Variants in AGPS observed in about 807,000 individuals in gnomAD.
AGPS encodes alkylglycerone phosphate synthase.
Under a neutral mutation model 90.7 loss-of-function variants are expected in AGPS, and 26 were observed. The observed-to-expected ratio is 0.29, with a 90% CI of 0.21 to 0.40. AGPS has a LOEUF of 0.40. Among genes scored for constraint, AGPS ranks in the 10% least tolerant of loss-of-function variants. The pLI is 1.00. For missense variants in AGPS, 540 were observed against 816.1 expected, an observed-to-expected ratio of 0.66 and a Z score of 4.12; for synonymous variants, 294 against 285.3, an observed-to-expected ratio of 1.03 and a Z score of -0.31.
rs1688375516 is a variant in AGPS, at chr2:177,495,103, G to T, written c.1285+1904G>T. On this transcript the variant is annotated intron_variant, in intron 12 of 19. Coordinates refer to ENST00000264167, the MANE Select transcript of AGPS (RefSeq NM_003659.4). ...TGACATTATCTAATTTTAGTATATTGAAATGATATATATCATTGTGTATAT... is the reference window on the plus strand; with the variant it reads ...TGACATTATCTAATTTTAGTATATTTAAATGATATATATCATTGTGTATAT... Among the ~76,000 whole-genome samples the T allele has an allele frequency of 2.6e-5, 4 of 151,976 alleles. No individual in the cohort carries two copies. The South Asian group carries it at 6.2e-4, about 24-fold the overall frequency.
At chr2:177,406,287 G>A (rs2105592248) in intron 1 of AGPS, among the ~76,000 whole-genome samples, 1 of 152,304 alleles carries the variant, frequency 6.6e-6, no homozygotes, top group South Asian at 2.1e-4. Context: ...GAAAGTGTCA[G>A]TACTTGCTGC....
chr2:177,502,697 C>T (rs896153339), intron 14 of AGPS, among the ~76,000 whole-genome samples: 2 of 152,082 alleles, frequency 1.3e-5, no homozygotes, highest in African/African-American at 4.8e-5. Flanking sequence ...TCCCAAAGTG[C>T]TGGGGTTACA....
chr2:177,436,482 G>T (rs1394425877), intron 3 of AGPS, among the ~76,000 whole-genome samples: 1 of 152,082 alleles, frequency 6.6e-6, no homozygotes, highest in Non-Finnish European at 1.5e-5. Context: ...AGGTATAAGT[G>T]TAGATAGTGC....
At chr2:177,456,312 T>A (rs1402203308) in intron 8 of AGPS, among the ~76,000 whole-genome samples, 2 of 152,226 alleles carry the variant, frequency 1.3e-5, no homozygotes, top group South Asian at 4.1e-4. Flanking sequence ...AGCGGCTAAA[T>A]GTATATGATC....
intron 1 of AGPS, among the ~76,000 whole-genome samples, chr2:177,394,424 T>C (rs754274742): frequency 6.6e-6 from 1 of 152,192 alleles, no homozygotes; most frequent in Non-Finnish European, 1.5e-5. Flanking sequence ...ACAAACAGTA[T>C]GTTCACAGGT....
At chr2:177,492,935 A>G (rs927148623) in intron 11 of AGPS, among the ~76,000 whole-genome samples, 1 of 152,056 alleles carries the variant, frequency 6.6e-6, no homozygotes, top group Non-Finnish European at 1.5e-5. Context: ...TTATTTATCT[A>G]TATCTGTAGA....
At chr2:177,439,247 A>G (rs112731638) in intron 5 of AGPS, among the ~76,000 whole-genome samples, 3,357 of 152,330 alleles carry the variant, frequency 0.022, 68 homozygotes, top group African/African-American at 0.044. Context: ...GTGCCATACA[A>G]TTTACCGAGG....
intron 17 of AGPS, among the ~76,000 whole-genome samples, chr2:177,518,136 T>TA (rs1689073961): frequency 6.6e-6 from 1 of 152,082 alleles, no homozygotes; most frequent in South Asian, 2.1e-4. Context: ...CCATTGTATT[T>TA]AAAAAAATAT....
intron 16 of AGPS, among the ~76,000 whole-genome samples, chr2:177,510,204 TAAC>T (rs775214631): frequency 6.6e-6 from 1 of 152,178 alleles, no homozygotes; most frequent in Non-Finnish European, 1.5e-5. Flanking sequence ...ATCAGGATGT[TAAC>T]ATGGTTGGGG....
chr2:177,423,811 T>TATA lies in AGPS; in HGVS notation c.350+3453_350+3454insATA, dbSNP rs1384475206. Among the ~76,000 whole-genome samples the TATA allele has an allele frequency of 5.9e-5, 9 of 152,290 alleles. No homozygotes were observed. In the East Asian group the frequency reaches 1.7e-3, roughly 29 times the overall value. ...TGAGCAGTCTATCTTCTGAACAGAT[T>TATA]TATAATTTATCAGTTTATAAATCTC... is the stretch of plus-strand genomic sequence containing the variant. On this transcript the variant is annotated intron_variant, in intron 2 of 19. Coordinates refer to ENST00000264167, the MANE Select transcript of AGPS (RefSeq NM_003659.4).
At position 177,457,432 on chromosome 2, in the gene AGPS, G is replaced by A. The variant is rs114659955; in HGVS notation, c.871-4461G>A. On this transcript the variant is annotated intron_variant, in intron 8 of 19. Coordinates refer to ENST00000264167, the MANE Select transcript of AGPS (RefSeq NM_003659.4). Reference sequence around the variant, plus strand: ...TTTGAAAATACCAACAAAATAGACCGCTAGCCGACTAATAAAGAAGAAAAG... The same window carrying A: ...TTTGAAAATACCAACAAAATAGACCACTAGCCGACTAATAAAGAAGAAAAG... 7.5e-3 allele frequency among the ~76,000 whole-genome samples: 1,140 copies of A among 151,986 alleles called. 11 individuals carry two copies. The highest frequency in any genetic ancestry group is 0.013 in the Admixed American group (202 of 15,262).
chr2:177,458,216 A>T (rs1205451363), intron 8 of AGPS, among the ~76,000 whole-genome samples: 1 of 152,202 alleles, frequency 6.6e-6, no homozygotes, highest in Admixed American at 6.5e-5. Context: ...ATTTATGACA[A>T]ACCCACAGCC....
At chr2:177,440,818 G>A in intron 5 of AGPS, 147 bp from the exon 6 acceptor site, 2 of 656,092 alleles carry the variant, frequency 3.0e-6, no homozygotes, top group Non-Finnish European at 5.3e-6. Flanking sequence ...AAGGTAAAGT[G>A]TTTTAGTACT....
chr2:177,442,291 T>C, intron 6 of AGPS, 116 bp from the exon 7 acceptor site: 1 of 807,166 alleles, frequency 1.2e-6, no homozygotes, highest in East Asian at 2.5e-5. Context: ...AAAGTATTAA[T>C]AGGTATCACT....
At chr2:177,491,321 G>T (rs1688252842) in intron 11 of AGPS, among the ~76,000 whole-genome samples, 1 of 151,212 alleles carries the variant, frequency 6.6e-6, no homozygotes, top group Non-Finnish European at 1.5e-5. Context: ...GCAGGCTGGA[G>T]TGCAGTGGTT....
chr2:177,505,351 G>A (rs924634331), intron 14 of AGPS, among the ~76,000 whole-genome samples, 155 bp from the exon 15 acceptor site: 10 of 151,852 alleles, frequency 6.6e-5, no homozygotes, highest in African/African-American at 1.9e-4. Flanking sequence ...ATTTTATTTC[G>A]TGGATAAAAG....
intron 19 of AGPS, among the ~76,000 whole-genome samples, chr2:177,527,394 C>T (rs1050284502): frequency 1.1e-4 from 17 of 152,198 alleles, no homozygotes; most frequent in South Asian, 8.3e-4. Context: ...CATCATTGCA[C>T]TCCAGCCTGG....
intron 11 of AGPS, among the ~76,000 whole-genome samples, chr2:177,492,379 C>A (rs1159138199): frequency 1.3e-5 from 2 of 151,964 alleles, no homozygotes; most frequent in Non-Finnish European, 2.9e-5. Flanking sequence ...GTCAATGTGC[C>A]CACTTTATGA....
At chr2:177,527,277 A>G (rs970847431) in intron 19 of AGPS, among the ~76,000 whole-genome samples, 8 of 151,958 alleles carry the variant, frequency 5.3e-5, no homozygotes, top group Non-Finnish European at 1.0e-4. Context: ...AAAATACAAA[A>G]CTTAGCTGGG....
Sources: allele counts gnomAD v4.1 joint callset (sites outside exome capture counted in the v4.1 genomes callset), GRCh38; gene constraint gnomAD v4.1.1; transcripts MANE v1.5; gene names NCBI Gene and HGNC (gene_info 2026-07-23, HGNC 2026-07-21).